COBL: variants seen among roughly 807,000 people sequenced by gnomAD.
COBL encodes protein cordon-bleu.
Under a neutral mutation model 98.8 loss-of-function variants are expected in COBL, and 51 were observed. The ratio of observed to expected loss-of-function variants is 0.52; its 90% CI spans 0.41 to 0.65. The LOEUF (loss-of-function observed/expected upper bound fraction) is 0.65, where lower values mean the gene tolerates loss of function less well. Among genes scored for constraint, COBL ranks in the 30% least tolerant of loss-of-function variants. The pLI is 0.00. For missense variants in COBL, 1,617 were observed against 1,617.5 expected (o/e 1.00, Z 0.01); for synonymous variants, 634 against 651.7 (o/e 0.97, Z 0.41).
chr7:51,096,678 C>T (rs1795301759), intron 6 of COBL, among the ~76,000 whole-genome samples: 1 of 151,556 alleles, frequency 6.6e-6, no homozygotes, highest in African/African-American at 2.4e-5. Context: ...AGTGATGCTA[C>T]AAAAACAAAA....
chr7:51,245,129 A>G (rs577558650), intron 1 of COBL, among the ~76,000 whole-genome samples: 3 of 152,148 alleles, frequency 2.0e-5, no homozygotes, highest in Middle Eastern at 3.4e-3. Context: ...TCCACACTCT[A>G]ACGGACCTGA....
At position 51,315,784 on chromosome 7, in the gene COBL, T is replaced by C. The variant is rs370285205; in HGVS notation, c.41+809A>G. Among the ~76,000 whole-genome samples, 207 of 152,006 alleles carry C rather than the reference T, an allele frequency of 1.4e-3. 9 individuals are homozygous for C. In the South Asian group the frequency reaches 0.042, roughly 31 times the overall value. ...GGCTGCTCGTCCTGTTTGAGGGAAA[T>C]TACTCTTTCTGAGAGTCAAATCCTG... On this transcript the variant is annotated intron_variant, in intron 1 of 12. Transcript: ENST00000265136.
intron 7 of COBL, among the ~76,000 whole-genome samples, chr7:51,083,793 G>C (rs1056511607): frequency 6.6e-6 from 1 of 152,132 alleles, no homozygotes. Context: ...AGAGAGGGTG[G>C]GGATGTTGTC....
intron 6 of COBL, among the ~76,000 whole-genome samples, chr7:51,130,319 T>TCAG (rs1798622078): frequency 6.6e-6 from 1 of 152,124 alleles, no homozygotes; most frequent in Non-Finnish European, 1.5e-5. Context: ...CCGGCAAAGA[T>TCAG]CAGAGCCCTC....
chr7:51,108,330 T>C (rs1024456767), intron 6 of COBL, among the ~76,000 whole-genome samples: 2 of 152,168 alleles, frequency 1.3e-5, no homozygotes, highest in Non-Finnish European at 2.9e-5. Context: ...GGCTCGTTGC[T>C]GTGCAGTGGC....
intron 2 of COBL, among the ~76,000 whole-genome samples, chr7:51,218,398 C>A (rs1011107983): frequency 6.6e-6 from 1 of 152,172 alleles, no homozygotes; most frequent in Admixed American, 6.5e-5. Context: ...AATAAAAACA[C>A]CCAGAGTGAT....
intron 12 of COBL, 128 bp downstream of exon 12, chr7:51,024,981 G>T: frequency 8.0e-7 from 1 of 1,249,332 alleles, no homozygotes; most frequent in Non-Finnish European, 1.1e-6. Flanking sequence ...AGTGACGCCG[G>T]CTCTCTCTCA....
intron 12 of COBL, among the ~76,000 whole-genome samples, chr7:51,024,159 A>T (rs2128865175): frequency 6.6e-6 from 1 of 152,092 alleles, no homozygotes; most frequent in South Asian, 2.1e-4. Flanking sequence ...ACCACAAAAA[A>T]TTAGCCGGGC....
chr7:51,243,068 TG>T (rs1400529776), intron 1 of COBL, among the ~76,000 whole-genome samples: 2 of 152,176 alleles, frequency 1.3e-5, no homozygotes, highest in East Asian at 3.9e-4. Flanking sequence ...AAACTCGCCT[TG>T]GTGGCACTGC....
At chr7:51,215,386 C>T (rs1427126489) in intron 2 of COBL, among the ~76,000 whole-genome samples, 1 of 152,078 alleles carries the variant, frequency 6.6e-6, no homozygotes, top group African/African-American at 2.4e-5. Flanking sequence ...TTTTTTTCAG[C>T]TTTGTTTGGA....
chr7:51,081,165 G>A (rs142967204), intron 7 of COBL, among the ~76,000 whole-genome samples: 1 of 152,340 alleles, frequency 6.6e-6, no homozygotes, highest in African/African-American at 2.4e-5. Flanking sequence ...GTCTGAAGGG[G>A]AGGTGGAGTT....
chr7:51,066,476 G>A (rs1791938611), intron 7 of COBL, among the ~76,000 whole-genome samples: 1 of 152,292 alleles, frequency 6.6e-6, no homozygotes, highest in Non-Finnish European at 1.5e-5. Context: ...AGGTGCTTGG[G>A]ACCAGACTGG....
chr7:51,294,436 C>G (rs1436663648), intron 1 of COBL, among the ~76,000 whole-genome samples: 1 of 151,494 alleles, frequency 6.6e-6, no homozygotes, highest in African/African-American at 2.4e-5. Flanking sequence ...AGGTAGAGAC[C>G]AGCCTGGCCC....
At position 51,017,499 on chromosome 7, in the gene COBL, G is replaced by T. The variant is rs376769944; in HGVS notation, c.*52C>A. 1.3e-6 allele frequency: 2 copies of T among 1,592,018 alleles called. No homozygotes were observed. Among genetic ancestry groups the T allele is most frequent in the Non-Finnish European group, 1.7e-6 (2 of 1,160,008 alleles). On this transcript the variant is annotated 3_prime_UTR_variant, in exon 13 of 13. Coordinates refer to ENST00000265136, the MANE Select transcript of COBL (RefSeq NM_015198.5). ...TGGCTATGCAGACTCCTTGAGTGACGCCTGTGGGCATATTACAGGTGGGTT... is the reference window on the plus strand; with the variant it reads ...TGGCTATGCAGACTCCTTGAGTGACTCCTGTGGGCATATTACAGGTGGGTT...
In COBL at chr7:51,190,839, CG is replaced by C; in HGVS notation, c.685+10del. ...TTATGGGCAGGTGCGTGAGACGCAG[CG>C]GGGCCTCACCTCTTCTGTTGTCCCA... is the stretch of plus-strand genomic sequence containing the variant. On this transcript the variant is annotated intron_variant, in intron 4 of 12. Transcript: ENST00000265136. 4 of 1,609,566 alleles carry C rather than the reference CG, an allele frequency of 2.5e-6. No homozygotes were observed. Among genetic ancestry groups the C allele is most frequent in the Non-Finnish European group, 3.4e-6 (4 of 1,176,438 alleles).
intron 1 of COBL, among the ~76,000 whole-genome samples, chr7:51,279,236 G>T (rs1214451083): frequency 1.3e-5 from 2 of 152,190 alleles, no homozygotes; most frequent in African/African-American, 4.8e-5. Flanking sequence ...GGTCATAAGG[G>T]ATATAATCCC....
At chr7:51,193,314 C>G (rs1008741390) in intron 3 of COBL, 65 bp downstream of exon 3, 2 of 1,420,176 alleles carry the variant, frequency 1.4e-6, no homozygotes, top group Non-Finnish European at 2.0e-6. Context: ...AAGAGCCACA[C>G]TGGCCCCTAC....
chr7:51,298,043 G>C (rs748501259), intron 1 of COBL, among the ~76,000 whole-genome samples: 9 of 152,320 alleles, frequency 5.9e-5, no homozygotes, highest in Middle Eastern at 3.4e-3. Context: ...GCCAGTGACA[G>C]TGTATCACTT....
intron 6 of COBL, among the ~76,000 whole-genome samples, chr7:51,088,000 TG>T (rs1436366431): frequency 1.3e-5 from 2 of 152,086 alleles, no homozygotes; most frequent in African/African-American, 4.8e-5. Context: ...TCTCCTAGTT[TG>T]GAACTGTTCA....
Sources: allele counts gnomAD v4.1 joint callset (sites outside exome capture counted in the v4.1 genomes callset), GRCh38; gene constraint gnomAD v4.1.1; transcripts MANE v1.5; gene names NCBI Gene and HGNC (gene_info 2026-07-23, HGNC 2026-07-21).